The following CYP4F3 variants were observed in gnomAD, a reference collection of about 807,000 sequenced individuals.
The protein encoded by CYP4F3 is cytochrome P450 4F3.
In CYP4F3, 50 loss-of-function variants were observed where a neutral mutation model predicts 54.8. That is an observed-to-expected ratio of 0.91 (90% CI 0.73 to 1.16). The LOEUF is 1.16. Among genes scored for constraint, CYP4F3 ranks in the 50% most tolerant of loss-of-function variants. The pLI is 0.00. For missense variants in CYP4F3, 715 were observed against 676.2 expected (o/e 1.06, Z -0.64); for synonymous variants, 244 against 262.6 (o/e 0.93, Z 0.69).
intron 5 of CYP4F3, among the ~76,000 whole-genome samples, 193 bp downstream of exon 5, chr19:15,647,517 G>A (rs376599945): frequency 5.9e-5 from 9 of 152,266 alleles, no homozygotes; most frequent in African/African-American, 1.4e-4. Context: ...TGTCTCTGGC[G>A]CATAGTAGGT....
At chr19:15,653,861 G>T (rs964002492) in intron 9 of CYP4F3, among the ~76,000 whole-genome samples, 3 of 152,188 alleles carry the variant, frequency 2.0e-5, no homozygotes, top group African/African-American at 4.8e-5. Flanking sequence ...TAAAACTGGA[G>T]ATGGTAGCAG....
At chr19:15,655,691 A>G (rs1468274863) in intron 9 of CYP4F3, among the ~76,000 whole-genome samples, 2 of 152,258 alleles carry the variant, frequency 1.3e-5, no homozygotes, top group Non-Finnish European at 2.9e-5. Flanking sequence ...GTGAAAGTCC[A>G]TAAAATAGAC....
chr19:15,658,722 T>C lies in CYP4F3; in HGVS notation c.1315-5T>C. On this transcript the variant is annotated splice_polypyrimidine_tract_variant and splice_region_variant and intron_variant, in intron 11 of 12. Coordinates refer to ENST00000221307, the MANE Select transcript of CYP4F3 (RefSeq NM_000896.3). ...CCCGGCAACCCTTCTTGGTCTCGCCTCCAGGTCTATGACCCCTTTCGCTTT... is the reference window on the plus strand; with the variant it reads ...CCCGGCAACCCTTCTTGGTCTCGCCCCCAGGTCTATGACCCCTTTCGCTTT... 6.2e-7 allele frequency: 1 copy of C among 1,614,012 alleles called. No individual in the cohort carries two copies. The highest frequency in any genetic ancestry group is 8.5e-7 in the Non-Finnish European group (1 of 1,179,970).
chr19:15,646,986 C>G, intron 3 of CYP4F3, 66 bp from the exon 4 acceptor site: 3 of 1,597,190 alleles, frequency 1.9e-6, no homozygotes, highest in Non-Finnish European at 2.6e-6. Flanking sequence ...CTGGGAGCCT[C>G]CCCCCACCCC....
Position 15,641,536 on chromosome 19 carries a change from T to A in CYP4F3, c.121T>A (p.Phe41Ile). Residue 41 changes from phenylalanine to isoleucine, a missense_variant, in exon 2 of 13, where the codon TTC becomes ATC. Physicochemically the swap from Phe to Ile is conservative, Grantham distance 21 (BLOSUM62 0). Coordinates refer to ENST00000221307, the MANE Select transcript of CYP4F3 (RefSeq NM_000896.3). ...CCGCATCCTGGCCTGGACCTATACC[T>A]TCTATGACAACTGCTGCCGCCTCCG... ...LARILAWTYTFYDNCCRLRCF... is the reference protein window; with the variant it reads ...LARILAWTYTIYDNCCRLRCF... 6 of 1,614,128 alleles carry A rather than the reference T, an allele frequency of 3.7e-6. No homozygotes were observed. The highest frequency in any genetic ancestry group is 5.1e-6 in the Non-Finnish European group (6 of 1,180,018).
rs550667843 is a variant in CYP4F3 at position 15,661,433 on chromosome 19, T to C, written c.*2048T>C. 1 of 152,372 alleles carries C rather than the reference T, an allele frequency of 6.6e-6. No individual in the cohort carries two copies. Among genetic ancestry groups the C allele is most frequent in the East Asian group, 1.9e-4 (1 of 5,192 alleles). 9.4% of individuals were successfully genotyped at this position (152,372 alleles called of 1,614,324 possible). A position where few individuals can be genotyped will look rare whatever the true frequency, so the allele number is the denominator to read the frequency against. ...AGCAGTCCTTCGTAGTGTCAGTTTT[T>C]GTTTCAGCCTTCCTTATGGGTATGC... is the stretch of plus-strand genomic sequence containing the variant. On this transcript the variant is annotated 3_prime_UTR_variant, in exon 13 of 13. Coordinates refer to ENST00000221307, the MANE Select transcript of CYP4F3 (RefSeq NM_000896.3).
At chr19:15,650,382 G>A (rs1963249172) in intron 7 of CYP4F3, 199 bp downstream of exon 7, 2 of 1,046,968 alleles carry the variant, frequency 1.9e-6, no homozygotes, top group Non-Finnish European at 2.8e-6. Context: ...ATGAAATTGT[G>A]ATGAGTCTGA....
chr19:15,661,470 C>A lies in CYP4F3; in HGVS notation c.*2085C>A, dbSNP rs1973183205. 6.6e-6 allele frequency: 1 copy of A among 152,104 alleles called. No individual in the cohort carries two copies. Among genetic ancestry groups the A allele is most frequent in the African/African-American group, 2.4e-5 (1 of 41,426 alleles). The allele number at this position is 152,104 out of a possible 1,614,324, so 9.4% of individuals were successfully genotyped here. ...CCTTATGGGTATGCTGTGGCATATC[C>A]CTGAGATTTTAATTCGCATTTTCCA... On this transcript the variant is annotated 3_prime_UTR_variant, in exon 13 of 13. Coordinates refer to ENST00000221307, the MANE Select transcript of CYP4F3 (RefSeq NM_000896.3).
intron 10 of CYP4F3, 45 bp downstream of exon 10, chr19:15,658,442 G>A: frequency 6.2e-7 from 1 of 1,613,692 alleles, no homozygotes; most frequent in Non-Finnish European, 8.5e-7. Context: ...AGGAAGAGGG[G>A]CCCCTCAGGC....
In CYP4F3 at chr19:15,659,302, G is replaced by C; in HGVS notation, c.1480G>C (p.Asp494His). The C allele has an allele frequency of 1.2e-6, 2 of 1,613,710 alleles. No homozygotes were observed. The highest frequency in any genetic ancestry group is 1.7e-6 in the Non-Finnish European group (2 of 1,179,872). ...LTLLRFRVLP[D>H]HTEPRRKPEL... Reference sequence around the variant, plus strand: ...GCTGCTGCGCTTCCGCGTCCTGCCTGACCACACCGAGCCCCGCAGGAAGCC... The same window carrying C: ...GCTGCTGCGCTTCCGCGTCCTGCCTCACCACACCGAGCCCCGCAGGAAGCC... Residue 494 changes from aspartate (D) to histidine (H), a missense_variant, in exon 13 of 13, where the codon GAC becomes CAC. Physicochemically the swap from Asp to His is moderately conservative, Grantham distance 81. Coordinates refer to ENST00000221307, the MANE Select transcript of CYP4F3 (RefSeq NM_000896.3).
In CYP4F3 at chr19:15,641,427, G is replaced by A. The variant is rs1384173548; in HGVS notation, c.12G>A (p.Leu4=). The change falls in exon 2 of 13, where the codon CTG becomes CTA. Residue 4 remains leucine (L), a synonymous_variant. Transcript: ENST00000221307. MPQ[L]SLSSLGLWPM... is the part of the protein sequence containing the mutation. Reference sequence around the variant, plus strand: ...ATCTGCCCTGCAGGATGCCACAGCTGAGCCTGTCCTCGCTGGGCCTTTGGC... The same window carrying A: ...ATCTGCCCTGCAGGATGCCACAGCTAAGCCTGTCCTCGCTGGGCCTTTGGC... 14 of 1,614,042 alleles carry A rather than the reference G, an allele frequency of 8.7e-6. No homozygotes were observed. The highest frequency in any genetic ancestry group is 1.3e-5 in the African/African-American group (1 of 74,926).
Position 15,650,843 on chromosome 19 carries a change from T to TTTTTCTTTCG in CYP4F3, c.918+662_918+663insTTCTTTCGTT, listed in dbSNP as rs1491219758. On this transcript the variant is annotated intron_variant, in intron 7 of 12. Transcript: ENST00000221307. ...CTTTCTTTCTTTCTTTCTTTCTTTC[T>TTTTTCTTTCG]TTCTTTCTTTCTTTCTTTCTTTCTT... is the stretch of plus-strand genomic sequence containing the variant. Among the ~76,000 whole-genome samples the TTTTTCTTTCG allele has an allele frequency of 2.2e-4, 22 of 99,426 alleles. 7 individuals carry two copies. Among genetic ancestry groups the TTTTTCTTTCG allele is most frequent in the East Asian group, 7.0e-4 (2 of 2,850 alleles). 65.2% of individuals were successfully genotyped at this position (99,426 alleles called of 152,430 possible). A position where few individuals can be genotyped will look rare whatever the true frequency, so the allele number is the denominator to read the frequency against.
At position 15,655,594 on chromosome 19, in the gene CYP4F3, G is replaced by T. The variant is rs533770674; in HGVS notation, c.1115+2642G>T. On this transcript the variant is annotated intron_variant, in intron 9 of 12. Coordinates refer to ENST00000221307, the MANE Select transcript of CYP4F3 (RefSeq NM_000896.3). ...CAACAGTTCTCTGTGTATTCTTCTA[G>T]AAAATGGCTATCCCGATGCCCACAT... Among the ~76,000 whole-genome samples, 28 of 152,300 alleles carry T rather than the reference G, an allele frequency of 1.8e-4. No homozygotes were observed. The South Asian group carries it at 5.6e-3, about 30-fold the overall frequency.
chr19:15,658,750 C>A lies in CYP4F3; in HGVS notation c.1338C>A (p.Asp446Glu). The A allele has an allele frequency of 6.2e-7, 1 of 1,614,128 alleles. No individual in the cohort carries two copies. The highest frequency in any genetic ancestry group is 8.5e-7 in the Non-Finnish European group (1 of 1,180,026). Residue 446 changes from aspartate (D) to glutamate (E), a missense_variant, in exon 12 of 13, where the codon GAC (aspartate) becomes GAA (glutamate). Coordinates refer to ENST00000221307, the MANE Select transcript of CYP4F3 (RefSeq NM_000896.3). ...DPEVYDPFRF[D>E]PKNIKERSPL... ...AGGTCTATGACCCCTTTCGCTTTGACCCAAAGAACATCAAGGAGAGGTCAC... is the reference window on the plus strand; with the variant it reads ...AGGTCTATGACCCCTTTCGCTTTGAACCAAAGAACATCAAGGAGAGGTCAC...
intron 2 of CYP4F3, 24 bp downstream of exon 2, chr19:15,641,637 C>A: frequency 7.1e-7 from 1 of 1,400,430 alleles, no homozygotes; most frequent in South Asian, 1.1e-5. Flanking sequence ...CAGGACGGGT[C>A]TGGGGTCTCA....
intron 9 of CYP4F3, 86 bp from the exon 10 acceptor site, chr19:15,658,178 A>G: frequency 1.9e-6 from 3 of 1,568,960 alleles, no homozygotes; most frequent in South Asian, 2.4e-5. Context: ...TTACAGGGAG[A>G]AAAGGTCTCA....
chr19:15,643,638 G>C (rs1380877284), intron 2 of CYP4F3, among the ~76,000 whole-genome samples: 1 of 152,172 alleles, frequency 6.6e-6, no homozygotes, highest in Non-Finnish European at 1.5e-5. Flanking sequence ...TCCAAGGGCA[G>C]GAGAAGATGG....
At chr19:15,647,762 A>T (rs1972674075) in intron 5 of CYP4F3, among the ~76,000 whole-genome samples, 1 of 152,214 alleles carries the variant, frequency 6.6e-6, no homozygotes, top group African/African-American at 2.4e-5. Context: ...TCAGGTAGGC[A>T]GCCTTGCTGG....
chr19:15,645,872 T>C lies in CYP4F3; in HGVS notation c.343+9T>C. 1 of 1,596,502 alleles carries C rather than the reference T, an allele frequency of 6.3e-7. No individual in the cohort carries two copies. The highest frequency in any genetic ancestry group is 8.5e-7 in the Non-Finnish European group (1 of 1,169,740). ...TGTGCTCTTTGCTCCAGGTAGACAC[T>C]GCACTGGCCACTCCAGGTAGACACT... On this transcript the variant is annotated intron_variant, in intron 3 of 12. Coordinates refer to ENST00000221307, the MANE Select transcript of CYP4F3 (RefSeq NM_000896.3).
Sources: allele counts gnomAD v4.1 joint callset (sites outside exome capture counted in the v4.1 genomes callset), GRCh38; gene constraint gnomAD v4.1.1; transcripts MANE v1.5; gene names NCBI Gene and HGNC (gene_info 2026-07-23, HGNC 2026-07-21).